MRC2: variants seen among roughly 807,000 people sequenced by gnomAD.
MRC2 encodes C-type mannose receptor 2.
MRC2 carries 84 observed loss-of-function variants against 206.2 expected under a neutral mutation model. The observed-to-expected ratio is 0.41, with a 90% CI of 0.34 to 0.49. The LOEUF (loss-of-function observed/expected upper bound fraction) is 0.49, where lower values mean the gene tolerates loss of function less well. Among genes scored for constraint, MRC2 ranks in the 20% least tolerant of loss-of-function variants. The pLI is 0.31. For missense variants in MRC2, 1,676 were observed against 2,001.5 expected (o/e 0.84, Z 3.10); for synonymous variants, 798 against 800.0 (o/e 1.00, Z 0.04).
chr17:62,664,012 T>A lies in MRC2; in HGVS notation c.119-536T>A, dbSNP rs1338978886. 7.1e-6 allele frequency among the ~76,000 whole-genome samples: 1 copy of A among 141,572 alleles called. No homozygotes were observed. Among genetic ancestry groups the A allele is most frequent in the Non-Finnish European group, 1.5e-5 (1 of 66,668 alleles). The allele number at this position is 141,572 out of a possible 152,430, so 92.9% of individuals were successfully genotyped here. On this transcript the variant is annotated intron_variant, in intron 1 of 29. Coordinates refer to ENST00000303375, the MANE Select transcript of MRC2 (RefSeq NM_006039.5). This position sits in a 1 kb window ranked among gnomAD's most constrained non-coding sequence, Gnocchi z 4.7. ...TCTCGCTCTGTCGCCCAGGCTGGAGTGCAGTGGCGGGATCTCGGCTCACTG... is the reference window on the plus strand; with the variant it reads ...TCTCGCTCTGTCGCCCAGGCTGGAGAGCAGTGGCGGGATCTCGGCTCACTG...
Position 62,664,571 on chromosome 17 carries a change from A to C in MRC2, c.142A>C (p.Ser48Arg). The C allele has an allele frequency of 6.2e-7, 1 of 1,612,210 alleles. No individual in the cohort carries two copies. The highest frequency in any genetic ancestry group is 8.5e-7 in the Non-Finnish European group (1 of 1,179,280). The change falls in exon 2 of 30, where the codon AGC (serine) becomes CGC (arginine). Residue 48 changes from serine to arginine, a missense_variant. Transcript: ENST00000303375. This position sits in a 1 kb window ranked among gnomAD's most constrained non-coding sequence, Gnocchi z 4.7. ...LPEPNVFLIF[S>R]HGLQGCLEAQ... Reference sequence around the variant, plus strand: ...AGAACCCAACGTCTTCCTCATCTTCAGCCATGGACTGCAGGGCTGCCTGGA... The same window carrying C: ...AGAACCCAACGTCTTCCTCATCTTCCGCCATGGACTGCAGGGCTGCCTGGA...
chr17:62,674,533 G>A (rs907093379), intron 9 of MRC2, among the ~76,000 whole-genome samples: 2 of 152,100 alleles, frequency 1.3e-5, no homozygotes, highest in Non-Finnish European at 2.9e-5. Flanking sequence ...GTGAAGTGTG[G>A]CCCCTGTGCA....
In MRC2 at chr17:62,654,326, C is replaced by G. The variant is rs147733564; in HGVS notation, c.119-10222C>G. ...TTCCTGCCTGCAGCCTTTGCTCCTG[C>G]GGTTGGGCAGCTTGGACCGCCTTCC... On this transcript the variant is annotated intron_variant, in intron 1 of 29. Transcript: ENST00000303375. Among the ~76,000 whole-genome samples the G allele has an allele frequency of 1.1e-4, 17 of 152,194 alleles. 1 individual carries two copies. The East Asian group carries it at 3.3e-3, about 30-fold the overall frequency.
Position 62,666,720 on chromosome 17 carries a change from T to TGGTGGGGGGG in MRC2, c.860-35_860-34insTGGGGGGGGG. 8.2e-7 allele frequency: 1 copy of TGGTGGGGGGG among 1,217,904 alleles called. No homozygotes were observed. Among genetic ancestry groups the TGGTGGGGGGG allele is most frequent in the Non-Finnish European group, 1.2e-6 (1 of 866,614 alleles). The allele number at this position is 1,217,904 out of a possible 1,614,324, so 75.4% of individuals were successfully genotyped here. Reference sequence around the variant, plus strand: ...GATGGGGAGCGGGGGAGGCTGGGGCTGGGGATCCCCTGTTCAGTGTCCCTC... The same window carrying TGGTGGGGGGG: ...GATGGGGAGCGGGGGAGGCTGGGGCTGGTGGGGGGGGGGGATCCCCTGTTCAGTGTCCCTC... On this transcript the variant is annotated intron_variant, in intron 4 of 29. Coordinates refer to ENST00000303375, the MANE Select transcript of MRC2 (RefSeq NM_006039.5). The surrounding 1 kb of genome is among the most constrained non-coding windows in gnomAD (Gnocchi z 5.0).
chr17:62,681,172 G>A (rs1264864665), intron 18 of MRC2, 43 bp downstream of exon 18: 3 of 1,598,144 alleles, frequency 1.9e-6, no homozygotes, highest in Non-Finnish European at 1.7e-6. Context: ...GGGGCTGGCT[G>A]TCCACACACG....
chr17:62,692,141 G>C lies in MRC2; in HGVS notation c.4219+3G>C, dbSNP rs1177850184. 2 of 1,614,106 alleles carry C rather than the reference G, an allele frequency of 1.2e-6. No homozygotes were observed. Among genetic ancestry groups the C allele is most frequent in the African/African-American group, 1.3e-5 (1 of 74,954 alleles). On this transcript the variant is annotated splice_donor_region_variant and intron_variant, in intron 29 of 29. Coordinates refer to ENST00000303375, the MANE Select transcript of MRC2 (RefSeq NM_006039.5). This position sits in a 1 kb window ranked among gnomAD's most constrained non-coding sequence, Gnocchi z 4.2. ...GCAGAGCAGCTTCTCCCCATCAGGT[G>C]AGTGAAAGGCAATGCCCCCAGGTGG...
At chr17:62,662,684 C>A (rs573917615) in intron 1 of MRC2, among the ~76,000 whole-genome samples, 47 of 152,128 alleles carry the variant, frequency 3.1e-4, no homozygotes, top group Non-Finnish European at 2.9e-5. Flanking sequence ...CCAAGGTGGG[C>A]GGATCACCCG....
chr17:62,659,008 C>T (rs1295293513), intron 1 of MRC2, among the ~76,000 whole-genome samples: 2 of 152,186 alleles, frequency 1.3e-5, no homozygotes, highest in African/African-American at 4.8e-5. Flanking sequence ...ATGTATTTCT[C>T]ATGGCTTTGG....
At chr17:62,673,971 C>A in intron 8 of MRC2, 92 bp from the exon 9 acceptor site, 1 of 995,466 alleles carries the variant, frequency 1.0e-6, no homozygotes, top group Non-Finnish European at 1.5e-6. Flanking sequence ...AAGTCAGAGA[C>A]AGGGCCAGCT....
At chr17:62,632,529 T>C (rs375970044) in intron 1 of MRC2, among the ~76,000 whole-genome samples, 27 of 152,322 alleles carry the variant, frequency 1.8e-4, no homozygotes, top group African/African-American at 6.3e-4. Context: ...CGGCCCCCCA[T>C]GCCTCTGGTC....
Position 62,666,841 on chromosome 17 carries a change from C to A in MRC2, c.944C>A (p.Ser315Ter). The A allele has an allele frequency of 6.2e-7, 1 of 1,613,802 alleles. No homozygotes were observed. Among genetic ancestry groups the A allele is most frequent in the Non-Finnish European group, 8.5e-7 (1 of 1,179,948 alleles). ...GGAGGCTGGCAGTGGTCGGACAACT[C>A]GCCCCTCAAGTACCTCAACTGGGAG... Reference protein sequence around the residue: ...TSGGWQWSDNSPLKYLNWESD... With the variant: ...TSGGWQWSDN Residue 315 changes from serine (S) to a stop codon, truncating the protein, a stop_gained, in exon 5 of 30, where the codon TCG becomes TAG. Transcript: ENST00000303375. LOFTEE classifies it high-confidence loss of function. The surrounding 1 kb of genome is among the most constrained non-coding windows in gnomAD (Gnocchi z 5.0).
intron 11 of MRC2, 59 bp from the exon 12 acceptor site, chr17:62,677,210 A>G (rs1267183811): frequency 3.6e-6 from 5 of 1,407,202 alleles, no homozygotes; most frequent in Non-Finnish European, 3.8e-6. Flanking sequence ...CCGGGATGTG[A>G]GGGAGGACCA....
chr17:62,678,551 C>T lies in MRC2; in HGVS notation c.2100C>T (p.Ala700=), dbSNP rs1489893092. 8 of 1,610,562 alleles carry T rather than the reference C, an allele frequency of 5.0e-6. No homozygotes were observed. The African/African-American group carries it at 5.4e-5, about 11-fold the overall frequency. ...RLQDKKSWVQ[A]QGACQELGAQ... Reference sequence around the variant, plus strand: ...AGGACAAGAAGAGCTGGGTCCAGGCCCAGGGGGCCTGCCAGGAGCTGGGGG... The same window carrying T: ...AGGACAAGAAGAGCTGGGTCCAGGCTCAGGGGGCCTGCCAGGAGCTGGGGG... The change falls in exon 13 of 30, where the codon GCC becomes GCT. Residue 700 remains alanine (A), a synonymous_variant. Transcript: ENST00000303375.
At chr17:62,688,776 C>A in intron 22 of MRC2, 76 bp from the exon 23 acceptor site, 1 of 1,584,932 alleles carries the variant, frequency 6.3e-7, no homozygotes, top group South Asian at 1.1e-5. Context: ...CCTCTTTGCT[C>A]ACATTGCAGC....
chr17:62,692,652 T>A lies in MRC2; in HGVS notation c.*201T>A. The A allele has an allele frequency of 1.7e-6, 1 of 585,934 alleles. No homozygotes were observed. Among genetic ancestry groups the A allele is most frequent in the Admixed American group, 3.0e-5 (1 of 32,970 alleles). 36.3% of individuals were successfully genotyped at this position (585,934 alleles called of 1,614,324 possible). ...AGGGCTGGGCTGAGACCCAGCTGAG[T>A]GCAGCGTGGCGTTTCCCTTTCTGGG... On this transcript the variant is annotated 3_prime_UTR_variant, in exon 30 of 30. Transcript: ENST00000303375. The surrounding 1 kb of genome is among the most constrained non-coding windows in gnomAD (Gnocchi z 4.2).
intron 28 of MRC2, 95 bp downstream of exon 28, chr17:62,691,223 C>T: frequency 7.1e-7 from 1 of 1,404,794 alleles, no homozygotes; most frequent in African/African-American, 1.5e-5. Context: ...GCAGGGGGCA[C>T]AGCCGATGGG....
intron 20 of MRC2, among the ~76,000 whole-genome samples, chr17:62,683,464 G>A (rs909927489): frequency 2.4e-4 from 34 of 139,300 alleles, no homozygotes; most frequent in African/African-American, 9.1e-4. Context: ...GCGAAACTCC[G>A]TCTCAAAAAA....
intron 1 of MRC2, among the ~76,000 whole-genome samples, chr17:62,640,748 G>T (rs1568049955): frequency 2.0e-5 from 3 of 150,748 alleles, no homozygotes; most frequent in African/African-American, 7.3e-5. Context: ...GCAGTGGCAC[G>T]ATCTCGGCTC....
At chr17:62,649,157 A>G (rs1219893618) in intron 1 of MRC2, among the ~76,000 whole-genome samples, 1 of 152,236 alleles carries the variant, frequency 6.6e-6, no homozygotes, top group African/African-American at 2.4e-5. Context: ...CAAGCCCTCC[A>G]CCATGGTGCC....
Sources: allele counts gnomAD v4.1 joint callset (sites outside exome capture counted in the v4.1 genomes callset), GRCh38; gene constraint gnomAD v4.1.1; non-coding constraint Gnocchi (gnomAD v3.1); transcripts MANE v1.5; gene names NCBI Gene and HGNC (gene_info 2026-07-23, HGNC 2026-07-21).